The following SH3GLB1 variants were observed in gnomAD, a reference collection of about 807,000 sequenced individuals.
SH3GLB1 encodes endophilin-B1.
A neutral mutation model predicts 42.0 loss-of-function variants in SH3GLB1; 17 were observed. The observed-to-expected ratio is 0.40, with a 90% CI of 0.28 to 0.61. The LOEUF is 0.61. SH3GLB1 is among the 20% of genes least tolerant of loss of function. SH3GLB1 has a pLI of 0.36. For synonymous variants in SH3GLB1, 132 were observed against 146.6 expected (o/e 0.90, Z 0.72); for missense variants, 355 against 426.3 (o/e 0.83, Z 1.47).
intron 5 of SH3GLB1, among the ~76,000 whole-genome samples, chr1:86,724,886 A>ATATATATATATATATAT (rs1409906302): frequency 4.9e-5 from 5 of 102,408 alleles, no homozygotes; most frequent in African/African-American, 2.5e-4. Context: ...AAAAAAAAAA[A>ATATATATATATATATAT]AAAAAAATAT....
In SH3GLB1 at chr1:86,743,299, A is replaced by G. The variant is rs1344423707; in HGVS notation, c.*64A>G. On this transcript the variant is annotated 3_prime_UTR_variant, in exon 9 of 9. Coordinates refer to ENST00000370558, the MANE Select transcript of SH3GLB1 (RefSeq NM_016009.5). ...TATTTATATACAATTAACTCTAAAT[A>G]AAGCAGGTTAAGTATCTTCCATGTT... 1.8e-6 allele frequency: 2 copies of G among 1,118,164 alleles called. No individual in the cohort carries two copies. Among genetic ancestry groups the G allele is most frequent in the Non-Finnish European group, 2.5e-6 (2 of 792,736 alleles). The allele number at this position is 1,118,164 out of a possible 1,614,324, so 69.3% of individuals were successfully genotyped here.
At chr1:86,742,984 A>G (rs1656130646) in intron 8 of SH3GLB1, 144 bp from the exon 9 acceptor site, 1 of 666,282 alleles carries the variant, frequency 1.5e-6, no homozygotes, top group Non-Finnish European at 2.5e-6. Flanking sequence ...TAATAAATAA[A>G]TCCTTTGTTT....
In SH3GLB1 at chr1:86,745,425, G is replaced by T. The variant is rs1301914645; in HGVS notation, c.*2190G>T. On this transcript the variant is annotated 3_prime_UTR_variant, in exon 9 of 9. Coordinates refer to ENST00000370558, the MANE Select transcript of SH3GLB1 (RefSeq NM_016009.5). ...GCCTTGCATATCACTGTGCACCAGAGATACCTCTTTTACATCTGGGCTCTG... is the reference window on the plus strand; with the variant it reads ...GCCTTGCATATCACTGTGCACCAGATATACCTCTTTTACATCTGGGCTCTG... 1 of 152,148 alleles carries T rather than the reference G, an allele frequency of 6.6e-6. No individual in the cohort carries two copies. The highest frequency in any genetic ancestry group is 1.5e-5 in the Non-Finnish European group (1 of 68,046). 9.4% of individuals were successfully genotyped at this position (152,148 alleles called of 1,614,324 possible).
Position 86,704,859 on chromosome 1 carries a change from C to A in SH3GLB1, c.-41C>A, listed in dbSNP as rs918049429. The A allele has an allele frequency of 4.8e-6, 7 of 1,451,008 alleles. No individual in the cohort carries two copies. The highest frequency in any genetic ancestry group is 6.5e-6 in the Non-Finnish European group (7 of 1,072,166). The allele number at this position is 1,451,008 out of a possible 1,614,324, so 89.9% of individuals were successfully genotyped here. On this transcript the variant is annotated 5_prime_UTR_variant, in exon 1 of 9. Transcript: ENST00000370558. ...GCCCGGCCGCGGCACCTCCGCCTCG[C>A]CGCCGCTAGGTCGGCCGGCTCCGCC...
Position 86,704,925 on chromosome 1 carries a change from A to C in SH3GLB1, c.26A>C (p.Lys9Thr). The C allele has an allele frequency of 6.3e-7, 1 of 1,585,878 alleles. No individual in the cohort carries two copies. Among genetic ancestry groups the C allele is most frequent in the South Asian group, 1.1e-5 (1 of 88,142 alleles). Residue 9 changes from lysine (K) to threonine (T), a missense_variant, in exon 1 of 9, where the codon AAG becomes ACG. Transcript: ENST00000370558. ...ATGAATATCATGGACTTCAACGTGA[A>C]GAAGCTGGCGGCCGACGCAGGCACC... MNIMDFNV[K>T]KLAADAGTFL...
At chr1:86,712,734 G>A (rs58120919) in intron 1 of SH3GLB1, among the ~76,000 whole-genome samples, 2,747 of 151,600 alleles carry the variant, frequency 0.018, 40 homozygotes, top group African/African-American at 0.034. Context: ...CATGTGTAAG[G>A]GTTCCATGTA....
intron 2 of SH3GLB1, among the ~76,000 whole-genome samples, chr1:86,716,254 G>GT (rs144643886): frequency 6.7e-6 from 1 of 149,522 alleles, no homozygotes; most frequent in Non-Finnish European, 1.5e-5. Context: ...TTTTTGGTGT[G>GT]TTTTTTTGTT....
In SH3GLB1 at chr1:86,744,688, T is replaced by G; in HGVS notation, c.*1453T>G. On this transcript the variant is annotated 3_prime_UTR_variant, in exon 9 of 9. Coordinates refer to ENST00000370558, the MANE Select transcript of SH3GLB1 (RefSeq NM_016009.5). ...GTTAAGCTATTAAAATGATACTTTTTGGTACTTTTAAAAAAATGAATACTT... is the reference window on the plus strand; with the variant it reads ...GTTAAGCTATTAAAATGATACTTTTGGGTACTTTTAAAAAAATGAATACTT... 1 of 152,232 alleles carries G rather than the reference T, an allele frequency of 6.6e-6. No homozygotes were observed. Among genetic ancestry groups the G allele is most frequent in the Non-Finnish European group, 1.5e-5 (1 of 68,046 alleles). 9.4% of individuals were successfully genotyped at this position (152,232 alleles called of 1,614,324 possible).
rs1656295474 is a variant in SH3GLB1, at chr1:86,746,358, A to G, written c.*3123A>G. On this transcript the variant is annotated 3_prime_UTR_variant, in exon 9 of 9. Coordinates refer to ENST00000370558, the MANE Select transcript of SH3GLB1 (RefSeq NM_016009.5). Reference sequence around the variant, plus strand: ...AGAAAAATTCCTTCCCTATCTCCCAAACACCTGAAATTCTGAAATATTGCC... The same window carrying G: ...AGAAAAATTCCTTCCCTATCTCCCAGACACCTGAAATTCTGAAATATTGCC... The G allele has an allele frequency of 6.6e-6, 1 of 152,172 alleles. No homozygotes were observed. The highest frequency in any genetic ancestry group is 2.1e-4 in the South Asian group (1 of 4,826). 9.4% of individuals were successfully genotyped at this position (152,172 alleles called of 1,614,324 possible).
At chr1:86,733,525 A>G (rs915022622) in intron 5 of SH3GLB1, among the ~76,000 whole-genome samples, 1 of 152,184 alleles carries the variant, frequency 6.6e-6, no homozygotes, top group Non-Finnish European at 1.5e-5. Flanking sequence ...GAGGTAGTCA[A>G]ACCTATCATT....
chr1:86,740,165 G>A (rs61802926), intron 7 of SH3GLB1, among the ~76,000 whole-genome samples: 138 of 149,060 alleles, frequency 9.3e-4, no homozygotes, highest in Middle Eastern at 3.5e-3. Flanking sequence ...AAAAAAAAAG[G>A]AGTTCCTGAT....
chr1:86,742,615 A>C lies in SH3GLB1; in HGVS notation c.990+179A>C, dbSNP rs183110224. 4.3e-3 allele frequency among the ~76,000 whole-genome samples: 652 copies of C among 152,290 alleles called. 4 individuals are homozygous for C. The highest frequency in any genetic ancestry group is 0.015 in the African/African-American group (626 of 41,566). On this transcript the variant is annotated intron_variant, in intron 8 of 8. Coordinates refer to ENST00000370558, the MANE Select transcript of SH3GLB1 (RefSeq NM_016009.5). ...ATAGAATATCATAGAAATATTTAAA[A>C]CTTTTAACTGCCAAATAACTTGAAG... is the stretch of plus-strand genomic sequence containing the variant.
chr1:86,734,679 C>G lies in SH3GLB1; in HGVS notation c.648C>G (p.Ile216Met). ...TTACCAGACTTCTGCTAGAGGGAAT[C>G]AGCAGTACACATGTGAGTATTCATT... ...AEITRLLLEG[I>M]SSTHAHHLRC... is the part of the protein sequence containing the mutation. Residue 216 changes from isoleucine to methionine, a missense_variant, in exon 6 of 9, where the codon ATC becomes ATG. Coordinates refer to ENST00000370558, the MANE Select transcript of SH3GLB1 (RefSeq NM_016009.5). 1.2e-6 allele frequency: 2 copies of G among 1,610,834 alleles called. No individual in the cohort carries two copies. The highest frequency in any genetic ancestry group is 1.7e-6 in the Non-Finnish European group (2 of 1,177,200).
At chr1:86,729,627 G>A (rs998501513) in intron 5 of SH3GLB1, among the ~76,000 whole-genome samples, 1 of 151,998 alleles carries the variant, frequency 6.6e-6, no homozygotes, top group Non-Finnish European at 1.5e-5. Context: ...TAATCTTATA[G>A]TAATATATAT....
rs368697600 is a variant in SH3GLB1, at chr1:86,742,226, T to C, written c.780T>C (p.Leu260=). The C allele has an allele frequency of 1.2e-6, 2 of 1,613,914 alleles. No homozygotes were observed. The highest frequency in any genetic ancestry group is 1.7e-6 in the Non-Finnish European group (2 of 1,179,906). Residue 260 remains leucine, a synonymous_variant, in exon 8 of 9, where the codon CTT becomes CTC. Coordinates refer to ENST00000370558, the MANE Select transcript of SH3GLB1 (RefSeq NM_016009.5). ...TCAACAGTTTTCCATCCAATTATCT[T>C]AGTAACAACAATCAGACTTCTGTGA... is the stretch of plus-strand genomic sequence containing the variant. ...KQLGSFPSNY[L]SNNNQTSVTP... is the part of the protein sequence containing the mutation.
intron 5 of SH3GLB1, chr1:86,730,457 G>A (rs1655444968): frequency 1.3e-6 from 1 of 770,444 alleles, no homozygotes; most frequent in Non-Finnish European, 1.6e-6. Flanking sequence ...TTAACACCAT[G>A]TCCTGTATCT....
At chr1:86,723,523 GAAATA>G (rs537502012) in intron 4 of SH3GLB1, among the ~76,000 whole-genome samples, 7 of 151,780 alleles carry the variant, frequency 4.6e-5, no homozygotes, top group East Asian at 3.9e-4. Context: ...CAAAAAAAGT[GAAATA>G]AAATAAAATA....
At position 86,738,232 on chromosome 1, in the gene SH3GLB1, GTGT is replaced by G. The variant is rs956233057; in HGVS notation, c.761+3058_761+3060del. The stretch of plus-strand genomic sequence containing the variant: ...GTGGTCAGGTCCTGTGGGCCTGTGG[GTGT>G]TGTTTGTTTTTTGTTTGTTTGTTTT... On this transcript the variant is annotated intron_variant, in intron 7 of 8. Transcript: ENST00000370558. Among the ~76,000 whole-genome samples, 114 of 138,394 alleles carry G rather than the reference GTGT, an allele frequency of 8.2e-4. 1 individual carries two copies. The highest frequency in any genetic ancestry group is 3.5e-3 in the African/African-American group (110 of 31,402). The allele number at this position is 138,394 out of a possible 152,430, so 90.8% of individuals were successfully genotyped here.
chr1:86,735,729 G>A (rs1240918358), intron 7 of SH3GLB1, among the ~76,000 whole-genome samples: 1 of 152,154 alleles, frequency 6.6e-6, no homozygotes, highest in Non-Finnish European at 1.5e-5. Flanking sequence ...TACATATTGT[G>A]GGGTAATATC....
Sources: allele counts gnomAD v4.1 joint callset (sites outside exome capture counted in the v4.1 genomes callset), GRCh38; gene constraint gnomAD v4.1.1; transcripts MANE v1.5; gene names NCBI Gene and HGNC (gene_info 2026-07-23, HGNC 2026-07-21).